FBN2: variants seen among roughly 807,000 people sequenced by gnomAD.
FBN2 encodes the protein fibrillin-2.
A neutral mutation model predicts 355.6 loss-of-function variants in FBN2; 105 were observed. That is an observed-to-expected ratio of 0.30 (90% CI 0.25 to 0.35). The LOEUF is 0.35. Among genes scored for constraint, FBN2 ranks in the 10% least tolerant of loss-of-function variants. The pLI, the probability that FBN2 is intolerant of heterozygous loss-of-function variation, is 1.00. For synonymous variants in FBN2, 1,350 were observed against 1,301.2 expected, an observed-to-expected ratio of 1.04 and a Z score of -0.81; for missense variants, 3,280 against 3,758.7, an observed-to-expected ratio of 0.87 and a Z score of 3.33.
chr5:128,534,513 T>C (rs1392503855), intron 2 of FBN2, among the ~76,000 whole-genome samples: 5 of 152,244 alleles, frequency 3.3e-5, no homozygotes, highest in Admixed American at 6.5e-5. Flanking sequence ...ATAAATATTT[T>C]TGTAGATACG....
chr5:128,330,965 T>A (rs527386731), intron 32 of FBN2, among the ~76,000 whole-genome samples: 1 of 152,310 alleles, frequency 6.6e-6, no homozygotes, highest in East Asian at 1.9e-4. Flanking sequence ...TTAGATCTCA[T>A]TCTGACTTCT....
intron 6 of FBN2, among the ~76,000 whole-genome samples, chr5:128,463,087 G>A (rs553919972): frequency 6.6e-6 from 1 of 152,098 alleles, no homozygotes; most frequent in Admixed American, 6.5e-5. Context: ...AGTAAATCCA[G>A]TCATTATTAA....
intron 5 of FBN2, among the ~76,000 whole-genome samples, chr5:128,510,984 T>C (rs1042641583): frequency 1.3e-5 from 2 of 152,184 alleles, no homozygotes; most frequent in Non-Finnish European, 2.9e-5. Context: ...CCTCCATTTT[T>C]TTATTCATGG....
intron 55 of FBN2, among the ~76,000 whole-genome samples, chr5:128,282,878 G>C (rs1236733664): frequency 1.3e-5 from 2 of 152,228 alleles, no homozygotes; most frequent in South Asian, 2.1e-4. Flanking sequence ...TGACAGCCTA[G>C]AGGAAAACAG....
In FBN2 at chr5:128,434,394, G is replaced by GTATATATATATATGTATATATATATATA. The variant is rs1554068953; in HGVS notation, c.952+12086_952+12087insTATATATATATATACATATATATATATA. On this transcript the variant is annotated intron_variant, in intron 7 of 64. Coordinates refer to ENST00000262464, the MANE Select transcript of FBN2 (RefSeq NM_001999.4). The stretch of plus-strand genomic sequence containing the variant: ...CAATGCCTGGCAGTGAATAAAGTGT[G>GTATATATATATATGTATATATATATATA]TATATATATATATATATATATATAT... Among the ~76,000 whole-genome samples the GTATATATATATATGTATATATATATATA allele has an allele frequency of 1.2e-3, 111 of 91,658 alleles. 3 individuals are homozygous for GTATATATATATATGTATATATATATATA. Among genetic ancestry groups the GTATATATATATATGTATATATATATATA allele is most frequent in the East Asian group, 5.3e-3 (19 of 3,606 alleles). 60.1% of individuals were successfully genotyped at this position (91,658 alleles called of 152,430 possible). A position where few individuals can be genotyped will look rare whatever the true frequency, so the allele number is the denominator to read the frequency against.
chr5:128,459,948 T>G (rs1349212809), intron 6 of FBN2, among the ~76,000 whole-genome samples: 1 of 152,180 alleles, frequency 6.6e-6, no homozygotes, highest in Non-Finnish European at 1.5e-5. Context: ...AACATAGTAT[T>G]GGAAGTTCTG....
At chr5:128,298,246 C>A (rs1749587275) in intron 48 of FBN2, among the ~76,000 whole-genome samples, 1 of 151,490 alleles carries the variant, frequency 6.6e-6, no homozygotes. Context: ...GTAACCTGAC[C>A]TTTCTCTCTG....
At chr5:128,289,081 AG>A (rs1455867088) in intron 52 of FBN2, 45 bp downstream of exon 52, 1 of 1,604,906 alleles carries the variant, frequency 6.2e-7, no homozygotes, top group Non-Finnish European at 8.5e-7. Context: ...GAATATGAGA[AG>A]TAAAATAGAA....
chr5:128,399,913 A>G lies in FBN2; in HGVS notation c.1079-4639T>C, dbSNP rs572910577. Among the ~76,000 whole-genome samples, 6 of 152,104 alleles carry G rather than the reference A, an allele frequency of 3.9e-5. No homozygotes were observed. In the East Asian group the frequency reaches 1.2e-3, roughly 29 times the overall value. On this transcript the variant is annotated intron_variant, in intron 8 of 64. Coordinates refer to ENST00000262464, the MANE Select transcript of FBN2 (RefSeq NM_001999.4). ...AAACCAAGAAAGGAGAAAAAAATAC[A>G]AAAAAAGTAAGATAAGTAGGAAGCA...
At chr5:128,428,904 G>T (rs541518475) in intron 7 of FBN2, among the ~76,000 whole-genome samples, 5 of 152,192 alleles carry the variant, frequency 3.3e-5, no homozygotes, top group South Asian at 2.1e-4. Context: ...CACCTCTCAC[G>T]GATGATTCTA....
intron 37 of FBN2, 97 bp downstream of exon 37, chr5:128,312,537 C>A: frequency 7.3e-7 from 1 of 1,362,876 alleles, no homozygotes; most frequent in South Asian, 1.3e-5. Flanking sequence ...TTGTTTTGTC[C>A]TCACTAAACA....
At chr5:128,273,064 T>C (rs774929255) in intron 61 of FBN2, among the ~76,000 whole-genome samples, 17 of 152,172 alleles carry the variant, frequency 1.1e-4, no homozygotes, top group Non-Finnish European at 1.8e-4. Context: ...TTTCTAAGAA[T>C]AGTTAATGTT....
chr5:128,335,671 T>G (rs1473648540), intron 28 of FBN2, 94 bp from the exon 29 acceptor site: 35 of 1,437,752 alleles, frequency 2.4e-5, no homozygotes, highest in Non-Finnish European at 3.3e-5. Context: ...TGGCTTTGAA[T>G]TTTTCTCCCC....
chr5:128,313,714 A>T (rs1750121047), intron 36 of FBN2, among the ~76,000 whole-genome samples: 1 of 151,852 alleles, frequency 6.6e-6, no homozygotes, highest in African/African-American at 2.4e-5. Flanking sequence ...TTAGCTGAGC[A>T]TGGTGGCGGG....
chr5:128,334,873 AT>A (rs760594533), intron 30 of FBN2, 29 bp from the exon 31 acceptor site: 1 of 1,582,300 alleles, frequency 6.3e-7, no homozygotes, highest in South Asian at 1.1e-5. Flanking sequence ...ATATCTTAGT[AT>A]GTGCTCATCA....
At chr5:128,286,428 A>G (rs181219251) in intron 55 of FBN2, among the ~76,000 whole-genome samples, 1 of 152,278 alleles carries the variant, frequency 6.6e-6, no homozygotes, top group East Asian at 1.9e-4. Flanking sequence ...GTTTTTCTAT[A>G]TATTTACTTG....
chr5:128,328,916 C>T (rs1047977434), intron 33 of FBN2, 95 bp from the exon 34 acceptor site: 4 of 1,299,680 alleles, frequency 3.1e-6, no homozygotes, highest in Non-Finnish European at 4.4e-6. Flanking sequence ...ACTGGCTTGA[C>T]TTAATGCTCA....
Position 128,328,732 on chromosome 5 carries a change from C to T in FBN2, c.4435G>A (p.Gly1479Ser). ...PGAYRCECEMGFTPASDSRSC... is the reference protein window; with the variant it reads ...PGAYRCECEMSFTPASDSRSC... ...CTGCTGTCTGAGGCTGGAGTGAAGC[C>T]CATCTCACACTCGCAGCGATATGCA... Residue 1479 changes from glycine to serine, a missense_variant, in exon 34 of 65, where the codon GGC (glycine) becomes AGC (serine). Gly to Ser is a moderately conservative substitution (Grantham distance 56). Transcript: ENST00000262464. 1 of 1,614,094 alleles carries T rather than the reference C, an allele frequency of 6.2e-7. No homozygotes were observed. The highest frequency in any genetic ancestry group is 8.5e-7 in the Non-Finnish European group (1 of 1,180,012).
Position 128,290,923 on chromosome 5 carries a change from G to A in FBN2, c.6293-39C>T, listed in dbSNP as rs370005096. On this transcript the variant is annotated intron_variant, in intron 49 of 64. Coordinates refer to ENST00000262464, the MANE Select transcript of FBN2 (RefSeq NM_001999.4). The stretch of plus-strand genomic sequence containing the variant: ...CAAACATTACAGATGGAATTATTTT[G>A]TAACACTGTTTGGACAGAACATTTC... 4.4e-5 allele frequency: 70 copies of A among 1,585,536 alleles called. No homozygotes were observed. The African/African-American group carries it at 9.3e-4, about 21-fold the overall frequency.
Sources: allele counts gnomAD v4.1 joint callset (sites outside exome capture counted in the v4.1 genomes callset), GRCh38; gene constraint gnomAD v4.1.1; transcripts MANE v1.5; gene names NCBI Gene and HGNC (gene_info 2026-07-23, HGNC 2026-07-21).